EXOC6B: variants seen among roughly 807,000 people sequenced by gnomAD.
The protein encoded by EXOC6B is SEC15 homolog B.
EXOC6B carries 54 observed loss-of-function variants against 113.5 expected under a neutral mutation model. That is an observed-to-expected ratio of 0.48 (90% CI 0.38 to 0.60). The LOEUF is 0.60. Ranked by LOEUF, EXOC6B falls within the 20% of genes least tolerant of loss-of-function variation. EXOC6B has a pLI of 0.00. For synonymous variants in EXOC6B, 357 were observed against 339.0 expected (o/e 1.05, Z -0.58); for missense variants, 797 against 977.5 (o/e 0.82, Z 2.46).
chr2:72,735,753 T>G (rs1031496678), intron 2 of EXOC6B, among the ~76,000 whole-genome samples: 1 of 151,680 alleles, frequency 6.6e-6, no homozygotes, highest in Admixed American at 6.6e-5. Context: ...TGGGGGGACG[T>G]GGGTTGCAGG....
intron 18 of EXOC6B, among the ~76,000 whole-genome samples, chr2:72,415,799 GC>G (rs1168676507): frequency 6.6e-6 from 1 of 152,112 alleles, no homozygotes; most frequent in Non-Finnish European, 1.5e-5. Context: ...ATGGAATAGT[GC>G]CAAATAGCAG....
intron 20 of EXOC6B, among the ~76,000 whole-genome samples, chr2:72,225,486 C>A (rs1376603449): frequency 1.3e-5 from 2 of 152,024 alleles, no homozygotes; most frequent in Admixed American, 6.5e-5. Flanking sequence ...CATAAATATT[C>A]CTTTAGTGGC....
chr2:72,700,311 G>T (rs1488243044), intron 6 of EXOC6B, among the ~76,000 whole-genome samples: 2 of 150,838 alleles, frequency 1.3e-5, no homozygotes, highest in Admixed American at 6.6e-5. Flanking sequence ...AAGACTTTGA[G>T]AGAGTAAGGG....
chr2:72,771,941 A>G (rs1683422834), intron 1 of EXOC6B, among the ~76,000 whole-genome samples: 1 of 152,236 alleles, frequency 6.6e-6, no homozygotes, highest in African/African-American at 2.4e-5. Flanking sequence ...GCAAGATGGC[A>G]GAATAGGAGT....
chr2:72,318,467 C>T (rs931175272), intron 20 of EXOC6B, among the ~76,000 whole-genome samples: 1 of 151,980 alleles, frequency 6.6e-6, no homozygotes, highest in Admixed American at 6.5e-5. Context: ...GATCTCGGCC[C>T]ACTGCAATCT....
At chr2:72,582,316 A>T (rs1306806957) in intron 6 of EXOC6B, among the ~76,000 whole-genome samples, 1 of 152,094 alleles carries the variant, frequency 6.6e-6, no homozygotes, top group East Asian at 1.9e-4. Flanking sequence ...GTTCCAGACC[A>T]GCCTGGGCAA....
intron 19 of EXOC6B, among the ~76,000 whole-genome samples, chr2:72,376,322 C>A (rs1006367670): frequency 6.6e-6 from 1 of 152,128 alleles, no homozygotes; most frequent in South Asian, 2.1e-4. Context: ...AGGATATTTT[C>A]ACAAGACATA....
At chr2:72,728,452 T>C (rs1237184558) in intron 5 of EXOC6B, among the ~76,000 whole-genome samples, 1 of 152,174 alleles carries the variant, frequency 6.6e-6, no homozygotes, top group Admixed American at 6.5e-5. Context: ...TCATAACTAC[T>C]GGAAACATAC....
intron 18 of EXOC6B, among the ~76,000 whole-genome samples, chr2:72,393,457 A>C (rs953966657): frequency 3.9e-5 from 6 of 152,046 alleles, no homozygotes; most frequent in African/African-American, 1.4e-4. Context: ...CTGCTTATCT[A>C]AATCCTATAC....
At chr2:72,269,281 T>A (rs1684331431) in intron 20 of EXOC6B, among the ~76,000 whole-genome samples, 1 of 151,472 alleles carries the variant, frequency 6.6e-6, no homozygotes, top group Admixed American at 6.6e-5. Context: ...AAAAAAAAAA[T>A]AGTTCTTAAA....
At chr2:72,237,691 A>G (rs1256250822) in intron 20 of EXOC6B, among the ~76,000 whole-genome samples, 1 of 152,134 alleles carries the variant, frequency 6.6e-6, no homozygotes, top group Non-Finnish European at 1.5e-5. Flanking sequence ...CGGACTTCAC[A>G]TGCTATGACT....
chr2:72,187,409 C>G (rs1279674183), intron 20 of EXOC6B, among the ~76,000 whole-genome samples: 1 of 151,792 alleles, frequency 6.6e-6, no homozygotes, highest in Admixed American at 6.6e-5. Flanking sequence ...TTCCTGCGAC[C>G]AGGAAGAATG....
intron 19 of EXOC6B, among the ~76,000 whole-genome samples, chr2:72,370,596 A>G (rs576489267): frequency 6.6e-6 from 1 of 152,356 alleles, no homozygotes; most frequent in South Asian, 2.1e-4. Flanking sequence ...ACAATGGCAA[A>G]GACTTGGAAT....
At chr2:72,595,035 G>C (rs928058174) in intron 6 of EXOC6B, among the ~76,000 whole-genome samples, 7 of 152,044 alleles carry the variant, frequency 4.6e-5, no homozygotes, top group Admixed American at 6.6e-5. Context: ...GAGGTGGGCA[G>C]ATCACTTGAG....
intron 20 of EXOC6B, among the ~76,000 whole-genome samples, chr2:72,284,324 G>C (rs1685299330): frequency 6.6e-6 from 1 of 151,984 alleles, no homozygotes; most frequent in African/African-American, 2.4e-5. Context: ...ACTAACATTT[G>C]AAAATAAATC....
At chr2:72,254,274 T>A (rs962605463) in intron 20 of EXOC6B, among the ~76,000 whole-genome samples, 3 of 152,166 alleles carry the variant, frequency 2.0e-5, no homozygotes, top group Non-Finnish European at 4.4e-5. Flanking sequence ...CTGAACCCAA[T>A]GATGGGTATC....
chr2:72,317,559 TCACACA>T (rs72124979), intron 20 of EXOC6B, among the ~76,000 whole-genome samples: 1,445 of 140,672 alleles, frequency 0.01, 19 homozygotes, highest in African/African-American at 0.027. Flanking sequence ...TATGAACACA[TCACACA>T]CACACACACA....
chr2:72,575,177 A>G (rs938710144), intron 7 of EXOC6B, among the ~76,000 whole-genome samples: 2 of 151,970 alleles, frequency 1.3e-5, no homozygotes, highest in East Asian at 3.8e-4. Flanking sequence ...GGTCACCTAG[A>G]CCTCCTGTCT....
rs746666011 is a variant in EXOC6B at position 72,465,324 on chromosome 2, C to T, written c.1816G>A (p.Ala606Thr). The change falls in exon 18 of 22, where the codon GCT becomes ACT. Residue 606 changes from alanine (A) to threonine (T), a missense_variant. By Grantham distance (58) the Ala-to-Thr change is moderately conservative. Transcript: ENST00000272427. The part of the protein sequence containing the change: ...TTTFKDARHA[A>T]EEEIYTNLNQ... ...AAGTTGGTATAAATCTCTTCTTCAG[C>T]TGCATGTCTAGCATCCTGTGAAAAA... The T allele has an allele frequency of 6.3e-7, 1 of 1,597,134 alleles. No homozygotes were observed. Among genetic ancestry groups the T allele is most frequent in the Non-Finnish European group, 8.5e-7 (1 of 1,171,550 alleles).
Sources: gnomAD v4.1 joint callset for allele counts (sites outside exome capture counted in the v4.1 genomes callset) on GRCh38, gnomAD v4.1.1 for gene constraint, MANE v1.5 for transcripts, NCBI Gene and HGNC (gene_info 2026-07-23, HGNC 2026-07-21) for gene names.